Variants in FSTL5 observed in about 807,000 individuals in gnomAD.
FSTL5 encodes follistatin like 5, also known as follistatin-related protein 5.
FSTL5 carries 62 observed loss-of-function variants against 89.1 expected under a neutral mutation model. The observed-to-expected ratio is 0.70, with a 90% CI of 0.57 to 0.86. The LOEUF (loss-of-function observed/expected upper bound fraction) is 0.86. Among genes scored for constraint, FSTL5 ranks in the 40% least tolerant of loss-of-function variants. FSTL5 has a pLI of 0.00. For synonymous variants in FSTL5, 383 were observed against 346.2 expected (o/e 1.11, Z -1.18); for missense variants, 1,057 against 1,001.6 (o/e 1.06, Z -0.75).
chr4:161,581,160 A>C (rs2126599501), intron 8 of FSTL5, among the ~76,000 whole-genome samples: 1 of 152,318 alleles, frequency 6.6e-6, no homozygotes, highest in Non-Finnish European at 1.5e-5. Flanking sequence ...TAGTTCTCAA[A>C]GCTTATCTCC....
chr4:161,420,231 G>T (rs1386598737), intron 15 of FSTL5, among the ~76,000 whole-genome samples: 1 of 152,222 alleles, frequency 6.6e-6, no homozygotes, highest in Non-Finnish European at 1.5e-5. Context: ...ACCAGCTAAG[G>T]TGCTTACTGA....
At chr4:161,749,523 C>T (rs931703632) in intron 6 of FSTL5, among the ~76,000 whole-genome samples, 4 of 152,076 alleles carry the variant, frequency 2.6e-5, no homozygotes, top group African/African-American at 4.8e-5. Flanking sequence ...ATAGGCCCGG[C>T]GCGGTGGCTC....
intron 3 of FSTL5, among the ~76,000 whole-genome samples, chr4:161,925,088 T>C (rs1224631034): frequency 5.3e-5 from 8 of 151,744 alleles, no homozygotes; most frequent in Admixed American, 5.3e-4. Flanking sequence ...TAACCAGCAA[T>C]TTATCTTTGG....
At chr4:161,795,853 T>G (rs1189182982) in intron 4 of FSTL5, among the ~76,000 whole-genome samples, 2 of 152,078 alleles carry the variant, frequency 1.3e-5, no homozygotes, top group African/African-American at 4.8e-5. Context: ...AGCTTTATAC[T>G]ATAGTTTGAA....
chr4:161,809,468 A>G (rs1730075063), intron 4 of FSTL5, among the ~76,000 whole-genome samples: 2 of 152,226 alleles, frequency 1.3e-5, no homozygotes, highest in Non-Finnish European at 2.9e-5. Context: ...TTGATCCAGC[A>G]ATTTCACTTC....
At chr4:161,858,291 C>A (rs1485756799) in intron 4 of FSTL5, among the ~76,000 whole-genome samples, 1 of 152,180 alleles carries the variant, frequency 6.6e-6, no homozygotes, top group Non-Finnish European at 1.5e-5. Context: ...AAATACATTT[C>A]TGCTGTTTAT....
intron 15 of FSTL5, among the ~76,000 whole-genome samples, chr4:161,426,950 T>C (rs1732186232): frequency 6.6e-6 from 1 of 152,190 alleles, no homozygotes; most frequent in Admixed American, 6.5e-5. Flanking sequence ...CAACAGATTT[T>C]AATGGTCTAA....
In FSTL5 at chr4:161,918,643, A is replaced by T. The variant is rs1733902828; in HGVS notation, c.409+1761T>A. Among the ~76,000 whole-genome samples the T allele has an allele frequency of 2.6e-5, 4 of 151,610 alleles. No individual in the cohort carries two copies. In the South Asian group the frequency reaches 8.3e-4, roughly 32 times the overall value. ...CTATTTTCCCACGATATTTATTTAT[A>T]TTTATTTATTTATTTTTTTGAGACG... On this transcript the variant is annotated intron_variant, in intron 4 of 15. Coordinates refer to ENST00000306100, the MANE Select transcript of FSTL5 (RefSeq NM_020116.5).
At chr4:161,399,797 T>C (rs907456705) in intron 15 of FSTL5, among the ~76,000 whole-genome samples, 1 of 152,104 alleles carries the variant, frequency 6.6e-6, no homozygotes, top group Non-Finnish European at 1.5e-5. Flanking sequence ...TGCAACACTT[T>C]AGCTCACTAC....
chr4:161,761,879 T>C (rs1031449566), intron 5 of FSTL5, among the ~76,000 whole-genome samples: 1 of 152,330 alleles, frequency 6.6e-6, no homozygotes, highest in South Asian at 2.1e-4. Context: ...TTTATCTCAT[T>C]TAAGTGGGTC....
chr4:161,924,111 A>G (rs1197838161), intron 3 of FSTL5, among the ~76,000 whole-genome samples: 1 of 151,724 alleles, frequency 6.6e-6, no homozygotes, highest in Non-Finnish European at 1.5e-5. Flanking sequence ...ATGAATTTTA[A>G]TCAAGAACTT....
At chr4:162,021,738 C>T (rs553975636) in intron 3 of FSTL5, among the ~76,000 whole-genome samples, 32 of 152,106 alleles carry the variant, frequency 2.1e-4, no homozygotes, top group African/African-American at 7.5e-4. Context: ...AAATAATGGA[C>T]ATAGAGTGTG....
chr4:162,025,222 TA>T (rs1291529558), intron 3 of FSTL5, among the ~76,000 whole-genome samples: 2 of 152,164 alleles, frequency 1.3e-5, no homozygotes, highest in African/African-American at 4.8e-5. Flanking sequence ...ATGTGAATTG[TA>T]ACTTATAACT....
At chr4:161,724,885 T>A (rs1026855757) in intron 6 of FSTL5, among the ~76,000 whole-genome samples, 1 of 152,062 alleles carries the variant, frequency 6.6e-6, no homozygotes, top group African/African-American at 2.4e-5. Flanking sequence ...TAACTGCTTG[T>A]GGTGTGTTTA....
At chr4:161,940,912 C>CT (rs1403456461) in intron 3 of FSTL5, among the ~76,000 whole-genome samples, 3 of 151,660 alleles carry the variant, frequency 2.0e-5, no homozygotes, top group Non-Finnish European at 1.5e-5. Flanking sequence ...TAGTAGTTCC[C>CT]TTTTTTGTTT....
intron 3 of FSTL5, among the ~76,000 whole-genome samples, chr4:161,954,077 TATACTACAAA>T (rs1734966276): frequency 6.6e-6 from 1 of 151,500 alleles, no homozygotes; most frequent in African/African-American, 2.4e-5. Flanking sequence ...AATATTGCAA[TATACTACAAA>T]ATCCAGCTAT....
chr4:161,551,532 A>G (rs1732212772), intron 8 of FSTL5, among the ~76,000 whole-genome samples: 1 of 151,940 alleles, frequency 6.6e-6, no homozygotes, highest in African/African-American at 2.4e-5. Flanking sequence ...TGCCAAGTCA[A>G]TCCTAAGCCA....
In FSTL5 at chr4:161,705,979, TATATATATATATATATAC is replaced by T. The variant is rs1247736416; in HGVS notation, c.728-49503_728-49486del. Among the ~76,000 whole-genome samples, 567 of 91,644 alleles carry T rather than the reference TATATATATATATATATAC, an allele frequency of 6.2e-3. 30 individuals are homozygous for T. The highest frequency in any genetic ancestry group is 0.017 in the African/African-American group (373 of 21,694). 60.1% of individuals were successfully genotyped at this position (91,644 alleles called of 152,430 possible). On this transcript the variant is annotated intron_variant, in intron 6 of 15. Coordinates refer to ENST00000306100, the MANE Select transcript of FSTL5 (RefSeq NM_020116.5). ...ATATATATATATATATATATATATA[TATATATATATATATATAC>T]ACACATCTACACACACACAGACTAT...
At chr4:161,663,051 C>T (rs1219918835) in intron 6 of FSTL5, among the ~76,000 whole-genome samples, 1 of 152,090 alleles carries the variant, frequency 6.6e-6, no homozygotes, top group Non-Finnish European at 1.5e-5. Context: ...GAGAATAACA[C>T]AGGAAAGACC....
Sources: allele counts gnomAD v4.1 joint callset (sites outside exome capture counted in the v4.1 genomes callset), GRCh38; gene constraint gnomAD v4.1.1; transcripts MANE v1.5; gene names NCBI Gene and HGNC (gene_info 2026-07-23, HGNC 2026-07-21).